The following ESR1 variants were observed in gnomAD, a reference collection of about 807,000 sequenced individuals.
The protein encoded by ESR1 is estrogen receptor.
ESR1 carries 12 observed loss-of-function variants against 52.7 expected under a neutral mutation model. The ratio of observed to expected loss-of-function variants is 0.23; its 90% CI spans 0.15 to 0.37. The LOEUF is 0.37. ESR1 is among the 10% of genes least tolerant of loss of function. ESR1 has a pLI of 1.00. For synonymous variants in ESR1, 305 were observed against 316.8 expected (o/e 0.96, Z 0.39); for missense variants, 584 against 779.7 (o/e 0.75, Z 2.99).
Position 151,808,077 on chromosome 6 carries a change from C to A in ESR1, c.165C>A (p.Pro55=), listed in dbSNP as rs1351143054. The change falls in exon 1 of 8, where the codon CCC becomes CCA. Residue 55 remains proline, a synonymous_variant. Transcript: ENST00000206249. ...DSSKPAVYNY[P]EGAAYEFNAA... ...GCAAGCCCGCCGTGTACAACTACCC[C>A]GAGGGCGCCGCCTACGAGTTCAACG... 6.2e-7 allele frequency: 1 copy of A among 1,613,090 alleles called. No individual in the cohort carries two copies.
At chr6:152,054,154 G>C (rs778584626) in intron 5 of ESR1, among the ~76,000 whole-genome samples, 1 of 151,906 alleles carries the variant, frequency 6.6e-6, no homozygotes, top group Non-Finnish European at 1.5e-5. Flanking sequence ...TCAATTTTCT[G>C]TTGTCATCTT....
At chr6:151,885,510 A>T (rs1367944669) in intron 3 of ESR1, among the ~76,000 whole-genome samples, 2 of 152,260 alleles carry the variant, frequency 1.3e-5, no homozygotes, top group Non-Finnish European at 2.9e-5. Flanking sequence ...AAACTTGCTG[A>T]ACAACCTTGT....
At chr6:151,989,645 C>T (rs1562638893) in intron 4 of ESR1, among the ~76,000 whole-genome samples, 1 of 152,052 alleles carries the variant, frequency 6.6e-6, no homozygotes, top group Non-Finnish European at 1.5e-5. Context: ...ATCCTGTTAC[C>T]TTCCATCTAT....
chr6:152,018,947 A>G (rs2043391506), intron 5 of ESR1, among the ~76,000 whole-genome samples: 1 of 152,188 alleles, frequency 6.6e-6, no homozygotes, highest in South Asian at 2.1e-4. Flanking sequence ...ACAGATAGGA[A>G]AGAGTTTTGC....
At chr6:152,084,260 CG>C (rs1319444999) in intron 6 of ESR1, among the ~76,000 whole-genome samples, 1 of 130,188 alleles carries the variant, frequency 7.7e-6, no homozygotes, top group Non-Finnish European at 1.6e-5. Flanking sequence ...CATCACACAC[CG>C]GGGCCTGTCA....
chr6:151,730,637 A>G (rs1401521067), intron 2 of ESR1, among the ~76,000 whole-genome samples: 2 of 152,138 alleles, frequency 1.3e-5, no homozygotes, highest in Non-Finnish European at 2.9e-5. Context: ...TTCACAATTA[A>G]TTGTTTCCAT....
downstream of ESR1, among the ~76,000 whole-genome samples, chr6:152,105,909 T>C (rs2051060918): frequency 6.8e-6 from 1 of 147,162 alleles, no homozygotes; most frequent in African/African-American, 2.5e-5. Flanking sequence ...TGCCTCAGCC[T>C]CCCGAGTAGC....
At chr6:151,880,007 A>AAAACC (rs940055868) in intron 2 of ESR1, among the ~76,000 whole-genome samples, 6 of 152,170 alleles carry the variant, frequency 3.9e-5, no homozygotes, top group Non-Finnish European at 7.3e-5. Flanking sequence ...CAGTCTTGGT[A>AAAACC]AAACCAAACC....
intron 1 of ESR1, among the ~76,000 whole-genome samples, chr6:151,674,481 G>T (rs1218238168): frequency 6.6e-6 from 1 of 152,102 alleles, no homozygotes; most frequent in Non-Finnish European, 1.5e-5. Context: ...AAATAGTGCT[G>T]CAATAAACAT....
chr6:151,935,962 A>C (rs989533638), intron 3 of ESR1, among the ~76,000 whole-genome samples: 1 of 152,160 alleles, frequency 6.6e-6, no homozygotes, highest in Non-Finnish European at 1.5e-5. Flanking sequence ...GCCCTTTTTC[A>C]TTATGTAACA....
At chr6:151,695,260 C>A (rs577359467) in intron 1 of ESR1, among the ~76,000 whole-genome samples, 1 of 152,152 alleles carries the variant, frequency 6.6e-6, no homozygotes, top group Non-Finnish European at 1.5e-5. Context: ...AAAGCTGCCA[C>A]CCACTCTCAA....
chr6:151,991,789 T>C (rs529103189), intron 4 of ESR1, among the ~76,000 whole-genome samples: 1 of 152,228 alleles, frequency 6.6e-6, no homozygotes, highest in South Asian at 2.1e-4. Context: ...CTAAGTTGAG[T>C]GTAGTTCCCC....
intron 2 of ESR1, among the ~76,000 whole-genome samples, chr6:151,778,810 T>C (rs535342373): frequency 1.5e-4 from 23 of 152,362 alleles, no homozygotes; most frequent in Non-Finnish European, 2.6e-4. Flanking sequence ...TTTCTTTATG[T>C]GATTAAAAAA....
chr6:152,092,472 G>A (rs994863856), intron 6 of ESR1, among the ~76,000 whole-genome samples: 5 of 152,276 alleles, frequency 3.3e-5, no homozygotes, highest in East Asian at 3.9e-4. Context: ...AAACTGCTAC[G>A]TGAGCAGTAA....
intron 3 of ESR1, among the ~76,000 whole-genome samples, chr6:151,905,996 C>T (rs1237887042): frequency 6.6e-6 from 1 of 152,046 alleles, no homozygotes; most frequent in African/African-American, 2.4e-5. Context: ...TATCCTATTG[C>T]TCAAGGTCAT....
chr6:151,984,977 TTCA>T (rs1387219391), intron 4 of ESR1, among the ~76,000 whole-genome samples: 1 of 152,202 alleles, frequency 6.6e-6, no homozygotes, highest in Non-Finnish European at 1.5e-5. Flanking sequence ...CATCCTTAAT[TTCA>T]TCATCATTAA....
intron 3 of ESR1, among the ~76,000 whole-genome samples, chr6:151,883,982 G>A (rs1247777958): frequency 3.9e-5 from 6 of 152,190 alleles, no homozygotes; most frequent in South Asian, 2.1e-4. Flanking sequence ...ACATTCTGAG[G>A]CCCAGGGGGT....
intron 3 of ESR1, among the ~76,000 whole-genome samples, chr6:151,925,842 G>T (rs2032642716): frequency 6.6e-6 from 1 of 150,604 alleles, no homozygotes. Flanking sequence ...CTTCCATATT[G>T]TGCTATTGGT....
rs1451977807 is a variant in ESR1 at position 152,102,572 on chromosome 6, C to G, written c.*3606C>G. 7 of 218,172 alleles carry G rather than the reference C, an allele frequency of 3.2e-5. No individual in the cohort carries two copies. The highest frequency in any genetic ancestry group is 6.5e-5 in the Non-Finnish European group (7 of 108,506). 13.5% of individuals were successfully genotyped at this position (218,172 alleles called of 1,614,324 possible). On this transcript the variant is annotated 3_prime_UTR_variant, in exon 8 of 8. Coordinates refer to ENST00000206249, the MANE Select transcript of ESR1 (RefSeq NM_000125.4). ...CCTGAAAACTTACTCTCAACTGGAG[C>G]AAATGAACTTTGGTCCCAAATATCC...
Sources: allele counts gnomAD v4.1 joint callset (sites outside exome capture counted in the v4.1 genomes callset), GRCh38; gene constraint gnomAD v4.1.1; transcripts MANE v1.5; gene names NCBI Gene and HGNC (gene_info 2026-07-23, HGNC 2026-07-21).